Variants in RBFOX1 observed in about 807,000 individuals in gnomAD.
RBFOX1 encodes RNA binding protein fox-1 homolog 1.
A neutral mutation model predicts 57.7 loss-of-function variants in RBFOX1; 8 were observed. That is an observed-to-expected ratio of 0.14 (90% CI 0.08 to 0.25). The LOEUF is 0.25. Ranked by LOEUF, RBFOX1 falls within the 10% of genes least tolerant of loss-of-function variation. The pLI is 1.00. For missense variants in RBFOX1, 611 were observed against 548.5 expected, an observed-to-expected ratio of 1.11 and a Z score of -1.14; for synonymous variants, 326 against 222.4, an observed-to-expected ratio of 1.47 and a Z score of -4.15.
chr16:6,790,501 T>C (rs1292174862), intron 3 of RBFOX1, among the ~76,000 whole-genome samples: 2 of 152,102 alleles, frequency 1.3e-5, no homozygotes, highest in African/African-American at 2.4e-5. Context: ...ATCGTTCTTT[T>C]TGTTTTGTTT....
At chr16:7,374,269 C>T (rs746711242) in intron 4 of RBFOX1, among the ~76,000 whole-genome samples, 18 of 152,154 alleles carry the variant, frequency 1.2e-4, no homozygotes, top group East Asian at 1.9e-4. Flanking sequence ...TTCTGAGGCT[C>T]CGTGTTTTCG....
At chr16:7,104,308 C>T (rs2063194152) in intron 4 of RBFOX1, among the ~76,000 whole-genome samples, 1 of 152,104 alleles carries the variant, frequency 6.6e-6, no homozygotes, top group South Asian at 2.1e-4. Flanking sequence ...TAAGACAGTC[C>T]TGTTAGTTGA....
At chr16:6,951,567 CTCTT>C (rs571301507) in intron 3 of RBFOX1, among the ~76,000 whole-genome samples, 37 of 152,204 alleles carry the variant, frequency 2.4e-4, no homozygotes, top group African/African-American at 8.2e-4. Flanking sequence ...ACTAAGATCT[CTCTT>C]TCTCTCCTTG....
chr16:6,966,769 A>G (rs62016377), intron 3 of RBFOX1, among the ~76,000 whole-genome samples: 255 of 25,128 alleles, frequency 0.01, 1 homozygote, highest in African/African-American at 0.025. Context: ...CTGTCTATCT[A>G]TCTATCTATC....
chr16:5,976,333 C>T (rs2060063036), intron 4 of RBFOX1, among the ~76,000 whole-genome samples: 1 of 152,264 alleles, frequency 6.6e-6, no homozygotes, highest in South Asian at 2.1e-4. Flanking sequence ...CTCACATAGA[C>T]TCCTTTATGG....
At chr16:5,595,779 G>A (rs1353295068) in intron 2 of RBFOX1, among the ~76,000 whole-genome samples, 2 of 152,182 alleles carry the variant, frequency 1.3e-5, no homozygotes, top group Non-Finnish European at 2.9e-5. Context: ...TCGAGTTAAG[G>A]AGGAAAATAG....
intron 3 of RBFOX1, among the ~76,000 whole-genome samples, chr16:6,814,920 C>G (rs557936706): frequency 1.8e-4 from 28 of 152,116 alleles, no homozygotes; most frequent in Non-Finnish European, 3.2e-4. Context: ...AAAATGAAAG[C>G]AAGTTTTTTA....
At chr16:7,454,431 T>C (rs1785175728) in intron 4 of RBFOX1, among the ~76,000 whole-genome samples, 1 of 152,214 alleles carries the variant, frequency 6.6e-6, no homozygotes, top group Admixed American at 6.5e-5. Flanking sequence ...GTCAAACTCG[T>C]GTTCTAGCCC....
chr16:5,985,664 C>T (rs755986109), intron 4 of RBFOX1, among the ~76,000 whole-genome samples: 1 of 152,160 alleles, frequency 6.6e-6, no homozygotes, highest in Non-Finnish European at 1.5e-5. Context: ...AGTACTCTTC[C>T]TCCATCTTGC....
At chr16:7,109,473 G>T (rs1367492076) in intron 4 of RBFOX1, among the ~76,000 whole-genome samples, 1 of 152,146 alleles carries the variant, frequency 6.6e-6, no homozygotes, top group African/African-American at 2.4e-5. Context: ...TGTATGGAAG[G>T]AAGGTGGTGC....
chr16:6,628,234 C>G (rs1052536355), intron 2 of RBFOX1, among the ~76,000 whole-genome samples: 3 of 152,192 alleles, frequency 2.0e-5, no homozygotes, highest in Non-Finnish European at 4.4e-5. Context: ...GGAATGTGTA[C>G]TCAATGACAG....
intron 1 of RBFOX1, among the ~76,000 whole-genome samples, chr16:5,438,482 G>T (rs2067983558): frequency 6.6e-6 from 1 of 152,116 alleles, no homozygotes; most frequent in Non-Finnish European, 1.5e-5. Context: ...AGCCTGAAAG[G>T]GCCCAGCATT....
intron 2 of RBFOX1, among the ~76,000 whole-genome samples, chr16:6,645,743 C>G (rs2098528980): frequency 6.6e-6 from 1 of 152,126 alleles, no homozygotes. Context: ...AAGATGTCAT[C>G]AAGGACAGCT....
intron 2 of RBFOX1, among the ~76,000 whole-genome samples, chr16:6,486,295 A>C (rs895547390): frequency 3.9e-5 from 6 of 151,972 alleles, no homozygotes; most frequent in African/African-American, 1.4e-4. Context: ...CAAATATTAC[A>C]ACATCTAGTG....
At chr16:7,230,174 T>G (rs1305379265) in intron 4 of RBFOX1, among the ~76,000 whole-genome samples, 2 of 150,856 alleles carry the variant, frequency 1.3e-5, no homozygotes, top group Non-Finnish European at 2.9e-5. Flanking sequence ...TTTACTCATT[T>G]CACTTTTTTT....
At chr16:7,265,451 A>T (rs1334639142) in intron 4 of RBFOX1, among the ~76,000 whole-genome samples, 2 of 148,420 alleles carry the variant, frequency 1.3e-5, no homozygotes, top group South Asian at 4.3e-4. Flanking sequence ...TTATTTGTTT[A>T]TTTATTTGTT....
intron 1 of RBFOX1, among the ~76,000 whole-genome samples, chr16:5,460,863 A>G (rs1321237331): frequency 1.2e-4 from 19 of 152,134 alleles, no homozygotes; most frequent in Non-Finnish European, 2.9e-5. Flanking sequence ...GGAGCACATC[A>G]CCTGGCTGGC....
chr16:7,207,064 C>T lies in RBFOX1; in HGVS notation c.27+154966C>T, dbSNP rs543551235. Among the ~76,000 whole-genome samples, 64 of 152,306 alleles carry T rather than the reference C, an allele frequency of 4.2e-4. 1 individual carries two copies. In the South Asian group the frequency reaches 0.013, roughly 31 times the overall value. On this transcript the variant is annotated intron_variant, in intron 4 of 15. Coordinates refer to ENST00000550418, the MANE Select transcript of RBFOX1 (RefSeq NM_018723.4). Reference sequence around the variant, plus strand: ...TCAAGGGCTTTATGGAAATACCCTACAGATGTGTAGGTGCTTTTGTACAGT... The same window carrying T: ...TCAAGGGCTTTATGGAAATACCCTATAGATGTGTAGGTGCTTTTGTACAGT...
At chr16:5,472,114 G>A (rs1038065529) in intron 2 of RBFOX1, among the ~76,000 whole-genome samples, 2 of 152,082 alleles carry the variant, frequency 1.3e-5, no homozygotes, top group South Asian at 2.1e-4. Context: ...CACAGAAAAC[G>A]GGGTGAGAAT....
Sources: allele counts gnomAD v4.1 joint callset (sites outside exome capture counted in the v4.1 genomes callset), GRCh38; gene constraint gnomAD v4.1.1; transcripts MANE v1.5; gene names NCBI Gene and HGNC (gene_info 2026-07-23, HGNC 2026-07-21).